The following PDE3A variants were observed in gnomAD, a reference collection of about 807,000 sequenced individuals.
The protein encoded by PDE3A is cGMP-inhibited 3',5'-cyclic phosphodiesterase 3A.
PDE3A carries 43 observed loss-of-function variants against 98.3 expected under a neutral mutation model. The ratio of observed to expected loss-of-function variants is 0.44; its 90% CI spans 0.34 to 0.56. The LOEUF is 0.56. PDE3A is among the 20% of genes least tolerant of loss of function. The probability of loss-of-function intolerance (pLI) is 0.01; values close to 1 mark genes in which losing one functional copy is unlikely to be tolerated. For missense variants in PDE3A, 1,427 were observed against 1,440.7 expected (o/e 0.99, Z 0.15); for synonymous variants, 663 against 567.9 (o/e 1.17, Z -2.38).
At chr12:20,676,744 C>T (rs1248158439) in intron 15 of PDE3A, among the ~76,000 whole-genome samples, 2 of 152,136 alleles carry the variant, frequency 1.3e-5, no homozygotes, top group African/African-American at 4.8e-5. Flanking sequence ...CGTGATCTGC[C>T]TGTCTTGGCC....
intron 1 of PDE3A, among the ~76,000 whole-genome samples, chr12:20,377,005 C>A (rs1943583928): frequency 6.6e-6 from 1 of 151,708 alleles, no homozygotes; most frequent in Non-Finnish European, 1.5e-5. Flanking sequence ...TAAGGGCACT[C>A]ATGTTCTTTC....
rs58859964 is a variant in PDE3A at position 20,435,904 on chromosome 12, T to TTTTTG, written c.960+65680_960+65684dup. On this transcript the variant is annotated intron_variant, in intron 1 of 15. Coordinates refer to ENST00000359062, the MANE Select transcript of PDE3A (RefSeq NM_000921.5). ...TTGTTCTCCCCATCCCACCCCTGCT[T>TTTTTG]TTTTGTTTTGTTTTGTTTTGTTTTT... is the stretch of plus-strand genomic sequence containing the variant. 3.9e-3 allele frequency among the ~76,000 whole-genome samples: 591 copies of TTTTTG among 152,206 alleles called. 6 individuals are homozygous for TTTTTG. Among genetic ancestry groups the TTTTTG allele is most frequent in the African/African-American group, 0.013 (538 of 41,538 alleles).
chr12:20,519,537 C>T (rs890201549), intron 1 of PDE3A, among the ~76,000 whole-genome samples: 1 of 152,142 alleles, frequency 6.6e-6, no homozygotes, highest in Non-Finnish European at 1.5e-5. Context: ...TGTATATATT[C>T]ATTAAGTTCT....
chr12:20,662,928 C>T (rs1035946071), intron 15 of PDE3A, among the ~76,000 whole-genome samples: 1 of 152,180 alleles, frequency 6.6e-6, no homozygotes, highest in African/African-American at 2.4e-5. Context: ...GCAGTCCCTC[C>T]TATCATAGAC....
chr12:20,627,817 T>A (rs1944300572), intron 5 of PDE3A, among the ~76,000 whole-genome samples: 1 of 152,212 alleles, frequency 6.6e-6, no homozygotes. Context: ...ACTTGTTGGA[T>A]GAAGAAATCA....
intron 15 of PDE3A, among the ~76,000 whole-genome samples, chr12:20,667,516 T>G (rs1945346709): frequency 6.6e-6 from 1 of 152,320 alleles, no homozygotes; most frequent in African/African-American, 2.4e-5. Flanking sequence ...CCAGCACCAC[T>G]TATTAAAAAA....
intron 1 of PDE3A, among the ~76,000 whole-genome samples, chr12:20,436,716 A>G (rs1000695718): frequency 3.9e-5 from 6 of 152,198 alleles, no homozygotes; most frequent in Non-Finnish European, 5.9e-5. Context: ...AGGTGGTTTT[A>G]TAAAATATAG....
intron 2 of PDE3A, among the ~76,000 whole-genome samples, chr12:20,558,424 T>A (rs1008858416): frequency 1.3e-5 from 2 of 151,988 alleles, no homozygotes; most frequent in Non-Finnish European, 2.9e-5. Context: ...TGAATTACCA[T>A]TATCAACATC....
intron 1 of PDE3A, among the ~76,000 whole-genome samples, chr12:20,388,313 C>T (rs1943850272): frequency 6.6e-6 from 1 of 151,972 alleles, no homozygotes; most frequent in Non-Finnish European, 1.5e-5. Context: ...GTACATGATC[C>T]TCCAAGGTAG....
intron 1 of PDE3A, among the ~76,000 whole-genome samples, chr12:20,390,549 G>A (rs993366736): frequency 2.6e-5 from 4 of 151,228 alleles, no homozygotes; most frequent in African/African-American, 9.7e-5. Context: ...TTAAAACTGT[G>A]AACCTGAGAA....
At chr12:20,551,909 G>A in intron 1 of PDE3A, 1 of 1,613,376 alleles carries the variant, frequency 6.2e-7, no homozygotes. Context: ...ATCCCCGTGG[G>A]CACCATGTGG....
intron 1 of PDE3A, among the ~76,000 whole-genome samples, chr12:20,525,587 C>G (rs1946504605): frequency 6.6e-6 from 1 of 152,094 alleles, no homozygotes. Context: ...CCTTTAGTGT[C>G]AGTCACTATT....
intron 1 of PDE3A, among the ~76,000 whole-genome samples, chr12:20,433,867 T>C (rs982121403): frequency 6.6e-6 from 1 of 152,078 alleles, no homozygotes; most frequent in Admixed American, 6.5e-5. Context: ...AGAGAGATCA[T>C]GTGTAGATAG....
chr12:20,553,246 A>G (rs1438746588), intron 1 of PDE3A, among the ~76,000 whole-genome samples: 2 of 125,826 alleles, frequency 1.6e-5, no homozygotes, highest in Non-Finnish European at 3.3e-5. Flanking sequence ...TAGTTCTTTG[A>G]AAACATAAAA....
At chr12:20,511,752 A>G (rs1472423776) in intron 1 of PDE3A, among the ~76,000 whole-genome samples, 2 of 152,076 alleles carry the variant, frequency 1.3e-5, no homozygotes, top group African/African-American at 4.8e-5. Context: ...GACTTGGGCA[A>G]AGTCTTCTCA....
chr12:20,687,923 A>AAAAC lies in PDE3A; in HGVS notation c.*7655_*7656insCAAA, dbSNP rs1555114271. 3.3e-5 allele frequency among the ~76,000 whole-genome samples: 5 copies of AAAAC among 150,428 alleles called. No individual in the cohort carries two copies. The highest frequency in any genetic ancestry group is 5.9e-5 in the Non-Finnish European group (4 of 67,430). On this transcript the variant is annotated 3_prime_UTR_variant, in exon 16 of 16. Transcript: ENST00000359062. ...TTACCTCTTCCCAACAGAAAAAAAA[A>AAAAC]AAAAAAAAAAAAAACTGGCATTGGC...
intron 1 of PDE3A, among the ~76,000 whole-genome samples, chr12:20,551,029 TA>T: frequency 6.6e-6 from 1 of 150,734 alleles, no homozygotes; most frequent in South Asian, 2.1e-4. Flanking sequence ...ACAATGTGTA[TA>T]AATATATATT....
At chr12:20,473,960 A>T (rs976468917) in intron 1 of PDE3A, among the ~76,000 whole-genome samples, 2 of 152,150 alleles carry the variant, frequency 1.3e-5, no homozygotes, top group Non-Finnish European at 2.9e-5. Flanking sequence ...TGTGGCTTTT[A>T]GTGCACATGT....
intron 1 of PDE3A, among the ~76,000 whole-genome samples, chr12:20,437,973 T>C (rs936114106): frequency 1.6e-4 from 6 of 37,246 alleles, no homozygotes; most frequent in Non-Finnish European, 7.1e-4. Context: ...AGAAAAAGGA[T>C]TTTTTTTTTC....
Sources: gnomAD v4.1 joint callset for allele counts (sites outside exome capture counted in the v4.1 genomes callset) on GRCh38, gnomAD v4.1.1 for gene constraint, MANE v1.5 for transcripts, NCBI Gene and HGNC (gene_info 2026-07-23, HGNC 2026-07-21) for gene names.